Variants in DAB1 observed in about 807,000 individuals in gnomAD.
The protein encoded by DAB1 is DAB adaptor protein 1.
DAB1 carries 15 observed loss-of-function variants against 64.6 expected under a neutral mutation model. That is an observed-to-expected ratio of 0.23 (90% CI 0.16 to 0.36). The LOEUF (loss-of-function observed/expected upper bound fraction) is 0.36, where lower values mean the gene tolerates loss of function less well. Ranked by LOEUF, DAB1 falls within the 10% of genes least tolerant of loss-of-function variation. The probability of loss-of-function intolerance (pLI) is 1.00; values close to 1 mark genes in which losing one functional copy is unlikely to be tolerated. For synonymous variants in DAB1, 235 were observed against 251.9 expected (o/e 0.93, Z 0.64); for missense variants, 596 against 706.7 (o/e 0.84, Z 1.78).
chr1:57,813,034 T>C (rs1651700302), intron 6 of DAB1, among the ~76,000 whole-genome samples: 1 of 152,204 alleles, frequency 6.6e-6, no homozygotes, highest in South Asian at 2.1e-4. Context: ...TATGTGTGAA[T>C]ACACACACAT....
intron 7 of DAB1, among the ~76,000 whole-genome samples, chr1:57,546,508 G>A (rs1035386375): frequency 6.6e-6 from 1 of 152,140 alleles, no homozygotes; most frequent in African/African-American, 2.4e-5. Flanking sequence ...CTTACTTTTT[G>A]AGCCTTAGTT....
Position 58,150,111 on chromosome 1 carries a change from G to GTAT in DAB1, n.387+397_387+399dup, listed in dbSNP as rs536806645. Reference sequence around the variant, plus strand: ...ACAAATCACTGCAAAATAAGTGTTAGTATTCTCATTGTACAGATAAAGGAA... The same window carrying GTAT: ...ACAAATCACTGCAAAATAAGTGTTAGTATTATTCTCATTGTACAGATAAAGGAA... On this transcript the variant is annotated intron_variant and non_coding_transcript_variant, in intron 5 of 20. Coordinates refer to the DAB1 transcript ENST00000485760. Among the ~76,000 whole-genome samples the GTAT allele has an allele frequency of 4.6e-5, 7 of 152,248 alleles. No individual in the cohort carries two copies. The South Asian group carries it at 1.5e-3, about 32-fold the overall frequency.
At chr1:57,633,753 C>A (rs1646018978) in intron 7 of DAB1, among the ~76,000 whole-genome samples, 1 of 152,068 alleles carries the variant, frequency 6.6e-6, no homozygotes, top group South Asian at 2.1e-4. Flanking sequence ...CACTATTGAA[C>A]CTAAGTGATG....
intron 4 of DAB1, among the ~76,000 whole-genome samples, chr1:57,086,387 A>G (rs1210820697): frequency 2.0e-5 from 3 of 151,912 alleles, no homozygotes; most frequent in African/African-American, 4.8e-5. Flanking sequence ...TTACAAATAA[A>G]CCTGGCTCTC....
intron 4 of DAB1, among the ~76,000 whole-genome samples, chr1:58,185,012 T>A (rs1189121635): frequency 1.3e-5 from 2 of 152,034 alleles, no homozygotes; most frequent in African/African-American, 4.8e-5. Flanking sequence ...CACTAAAGAG[T>A]GGGAAAGGTT....
intron 4 of DAB1, among the ~76,000 whole-genome samples, chr1:57,074,744 C>A (rs993128859): frequency 1.6e-4 from 25 of 152,152 alleles, no homozygotes; most frequent in African/African-American, 5.8e-4. Context: ...CTCAGTTACC[C>A]TAGTCCCTCC....
intron 4 of DAB1, among the ~76,000 whole-genome samples, chr1:57,082,835 A>G (rs980222760): frequency 1.3e-5 from 2 of 152,170 alleles, no homozygotes; most frequent in African/African-American, 4.8e-5. Flanking sequence ...AGCTCCATCC[A>G]TGTCCCTGCA....
At chr1:58,079,649 T>C (rs766838701) in intron 5 of DAB1, among the ~76,000 whole-genome samples, 1 of 149,846 alleles carries the variant, frequency 6.7e-6, no homozygotes, top group East Asian at 2.0e-4. Flanking sequence ...GCCTCCCGAG[T>C]AGCTGGGATT....
At chr1:58,541,647 AAC>A (rs1646622164) in intron 1 of DAB1, 1 of 149,794 alleles carries the variant, frequency 6.7e-6, no homozygotes, top group Non-Finnish European at 1.5e-5. Flanking sequence ...AAAAACCAAA[AAC>A]AAAAAACAAA....
intron 2 of DAB1, among the ~76,000 whole-genome samples, chr1:58,515,094 G>A (rs1646139231): frequency 6.6e-6 from 1 of 152,046 alleles, no homozygotes; most frequent in Non-Finnish European, 1.5e-5. Flanking sequence ...ACCTCCACAG[G>A]TTCATCATTT....
chr1:57,014,857 T>A, intron 12 of DAB1, 26 bp downstream of exon 12: 4 of 1,519,156 alleles, frequency 2.6e-6, no homozygotes, highest in Non-Finnish European at 3.5e-6. Context: ...TCATTGGGTT[T>A]TATGTCTTAA....
rs180905034 is a variant in DAB1 at position 57,507,212 on chromosome 1, A to G, written n.625+142380T>C. ...GACTTATCACCTATTACGACCCTAC[A>G]TGAATTTCCTATTCCAGCCAGATTG... is the stretch of plus-strand genomic sequence containing the variant. On this transcript the variant is annotated intron_variant and non_coding_transcript_variant, in intron 7 of 20. Transcript: ENST00000485760. 1.2e-3 allele frequency among the ~76,000 whole-genome samples: 176 copies of G among 152,216 alleles called. 2 individuals are homozygous for G. Among genetic ancestry groups the G allele is most frequent in the Admixed American group, 0.01 (158 of 15,292 alleles).
intron 5 of DAB1, among the ~76,000 whole-genome samples, chr1:58,046,940 T>A (rs1647281772): frequency 6.6e-6 from 1 of 152,214 alleles, no homozygotes; most frequent in Non-Finnish European, 1.5e-5. Flanking sequence ...AGCCCAGCCG[T>A]GCCACTTACT....
chr1:58,432,564 G>T (rs149564593), intron 3 of DAB1, among the ~76,000 whole-genome samples: 36 of 152,272 alleles, frequency 2.4e-4, no homozygotes, highest in Admixed American at 1.2e-3. Context: ...TGTTTCTGTA[G>T]TGCCTGTACT....
chr1:58,366,422 A>G (rs1644218468), intron 3 of DAB1, among the ~76,000 whole-genome samples: 1 of 152,232 alleles, frequency 6.6e-6, no homozygotes, highest in Admixed American at 6.5e-5. Flanking sequence ...GGAATGGCCT[A>G]CTAACAACAC....
chr1:58,214,275 C>T (rs897501297), intron 4 of DAB1, among the ~76,000 whole-genome samples: 2 of 152,140 alleles, frequency 1.3e-5, no homozygotes, highest in African/African-American at 2.4e-5. Flanking sequence ...GAACTAGACG[C>T]CTCACTGAAG....
chr1:57,258,747 C>T (rs960871897), intron 2 of DAB1, among the ~76,000 whole-genome samples: 6 of 152,164 alleles, frequency 3.9e-5, no homozygotes, highest in African/African-American at 1.4e-4. Context: ...CTAAAATCAT[C>T]TGTGAACCTG....
At position 57,111,081 on chromosome 1, in the gene DAB1, G is replaced by A. The variant is rs151086607; in HGVS notation, c.306+25462C>T. On this transcript the variant is annotated intron_variant, in intron 4 of 14. Transcript: ENST00000371236. ...GGAAAGAAGATGAATTCTTTGGGCC[G>A]TAACCAGGGTAGGTCTCCAGGAGAG... 7.2e-4 allele frequency among the ~76,000 whole-genome samples: 109 copies of A among 152,008 alleles called. 2 individuals carry two copies. Among genetic ancestry groups the A allele is most frequent in the East Asian group, 7.2e-3 (37 of 5,168 alleles).
chr1:57,856,764 AAAAT>A (rs550551146), intron 1 of DAB1, among the ~76,000 whole-genome samples: 46 of 152,092 alleles, frequency 3.0e-4, no homozygotes, highest in African/African-American at 1.1e-3. Flanking sequence ...CATCCATCTC[AAAAT>A]AAATAAATAA....
Sources: gnomAD v4.1 joint callset for allele counts (sites outside exome capture counted in the v4.1 genomes callset) on GRCh38, gnomAD v4.1.1 for gene constraint, MANE v1.5 for transcripts, NCBI Gene and HGNC (gene_info 2026-07-23, HGNC 2026-07-21) for gene names.